The following PLXNA2 variants were observed in gnomAD, a reference collection of about 807,000 sequenced individuals.
PLXNA2 encodes the protein plexin-A2.
In PLXNA2, 91 loss-of-function variants were observed where a neutral mutation model predicts 193.5. That is an observed-to-expected ratio of 0.47 (90% confidence interval 0.40 to 0.56). The LOEUF (loss-of-function observed/expected upper bound fraction) is 0.56, where lower values mean the gene tolerates loss of function less well. Among genes scored for constraint, PLXNA2 ranks in the 20% least tolerant of loss-of-function variants. The pLI, the probability that PLXNA2 is intolerant of heterozygous loss-of-function variation, is 0.00. For synonymous variants in PLXNA2, 997 were observed against 1,027.3 expected (o/e 0.97, Z 0.56); for missense variants, 1,995 against 2,503.2 (o/e 0.80, Z 4.33).
At chr1:208,105,987 C>T (rs994986214) in intron 4 of PLXNA2, among the ~76,000 whole-genome samples, 4 of 152,068 alleles carry the variant, frequency 2.6e-5, no homozygotes, top group African/African-American at 9.7e-5. Context: ...CCAAGTGCCA[C>T]GGAGATAGTG....
At chr1:208,100,696 A>T (rs1667066609) in intron 5 of PLXNA2, among the ~76,000 whole-genome samples, 1 of 152,208 alleles carries the variant, frequency 6.6e-6, no homozygotes, top group Non-Finnish European at 1.5e-5. Context: ...TTGTGTCACG[A>T]AATAATGCCT....
chr1:208,243,441 T>C (rs1208190369), intron 1 of PLXNA2, among the ~76,000 whole-genome samples: 1 of 151,868 alleles, frequency 6.6e-6, no homozygotes, highest in Non-Finnish European at 1.5e-5. Context: ...CCAGTGAGCC[T>C]GCGATCGCGC....
chr1:208,027,950 G>C (rs1188709615), intron 31 of PLXNA2, 59 bp downstream of exon 31: 3 of 1,462,038 alleles, frequency 2.1e-6, no homozygotes, highest in Non-Finnish European at 2.7e-6. Context: ...TTTAAGGACT[G>C]AGTCAGGCTT....
intron 4 of PLXNA2, among the ~76,000 whole-genome samples, chr1:208,134,428 T>C (rs1008598081): frequency 1.3e-5 from 2 of 152,138 alleles, no homozygotes; most frequent in African/African-American, 4.8e-5. Flanking sequence ...GGAAAGGCAC[T>C]GATGTGAGTG....
At position 208,128,053 on chromosome 1, in the gene PLXNA2, G is replaced by A. The variant is rs890256786; in HGVS notation, c.1506+14276C>T. On this transcript the variant is annotated intron_variant, in intron 4 of 31. Coordinates refer to ENST00000367033, the MANE Select transcript of PLXNA2 (RefSeq NM_025179.4). ...CTGATGGAGGGCTGGGAGAGCTGCG[G>A]GGAGCCTGAGGGGCGGGCAGAGAGA... 2.0e-5 allele frequency among the ~76,000 whole-genome samples: 3 copies of A among 152,162 alleles called. 1 individual carries two copies. Among genetic ancestry groups the A allele is most frequent in the Admixed American group, 6.5e-5 (1 of 15,282 alleles).
At chr1:208,106,803 T>C (rs1192828858) in intron 4 of PLXNA2, among the ~76,000 whole-genome samples, 1 of 152,238 alleles carries the variant, frequency 6.6e-6, no homozygotes. Context: ...GTGGCTCATA[T>C]TTTATTTCTA....
intron 3 of PLXNA2, among the ~76,000 whole-genome samples, chr1:208,178,119 C>T (rs1323310128): frequency 1.6e-5 from 1 of 62,302 alleles, no homozygotes; most frequent in African/African-American, 5.3e-5. Context: ...ACCTTCTTTC[C>T]TCTTTATCCT....
In PLXNA2 at chr1:208,039,915, G is replaced by A. The variant is rs1388264009; in HGVS notation, c.4353+77C>T. ...TGCTCCCGAGGGAGGGGGTCCCCAT[G>A]CAGCCCTGTGGCCAGGATCTAAGCA... On this transcript the variant is annotated intron_variant, in intron 23 of 31. Coordinates refer to ENST00000367033, the MANE Select transcript of PLXNA2 (RefSeq NM_025179.4). The A allele has an allele frequency of 1.9e-6, 3 of 1,580,354 alleles. No individual in the cohort carries two copies. In the African/African-American group the frequency reaches 4.0e-5, roughly 21 times the overall value.
chr1:208,170,893 A>G (rs975306565), intron 3 of PLXNA2, among the ~76,000 whole-genome samples: 2 of 152,252 alleles, frequency 1.3e-5, no homozygotes, highest in African/African-American at 4.8e-5. Context: ...CCTACAATCC[A>G]GTGCAGAGAG....
At chr1:208,154,455 T>C (rs1266115418) in intron 3 of PLXNA2, among the ~76,000 whole-genome samples, 1 of 152,202 alleles carries the variant, frequency 6.6e-6, no homozygotes, top group African/African-American at 2.4e-5. Context: ...AGGATTCATG[T>C]GCTGTTGGGC....
rs1664973672 is a variant in PLXNA2 at position 208,044,184 on chromosome 1, G to A, written c.3874+324C>T. Among the ~76,000 whole-genome samples the A allele has an allele frequency of 6.6e-6, 1 of 152,206 alleles. No individual in the cohort carries two copies. The highest frequency in any genetic ancestry group is 2.4e-5 in the African/African-American group (1 of 41,448). On this transcript the variant is annotated intron_variant, in intron 20 of 31. Transcript: ENST00000367033. The surrounding 1 kb of genome is among the most constrained non-coding windows in gnomAD (Gnocchi z 4.9). Reference sequence around the variant, plus strand: ...ACTCCCATGGGGGATCTAGAGTCTGGGGCTGTGGAGCCTGGGGACTCTGAC... The same window carrying A: ...ACTCCCATGGGGGATCTAGAGTCTGAGGCTGTGGAGCCTGGGGACTCTGAC...
chr1:208,131,262 C>T (rs1452494226), intron 4 of PLXNA2, among the ~76,000 whole-genome samples: 2 of 152,220 alleles, frequency 1.3e-5, no homozygotes, highest in African/African-American at 4.8e-5. Context: ...CTCGACACCT[C>T]TGAACCTGCA....
At chr1:208,166,442 G>A (rs1481779288) in intron 3 of PLXNA2, among the ~76,000 whole-genome samples, 1 of 152,216 alleles carries the variant, frequency 6.6e-6, no homozygotes, top group Non-Finnish European at 1.5e-5. Flanking sequence ...ATCCAATAAG[G>A]AAGGCATTCA....
In PLXNA2 at chr1:208,183,607, AGG is replaced by A. The variant is rs367756173; in HGVS notation, c.1371+26671_1371+26672del. ...CCAGAGCCAGGTGCCAGAGAGGGAG[AGG>A]GGGGGGTCTTTGGGGGTGGGGGACG... On this transcript the variant is annotated intron_variant, in intron 3 of 31. Transcript: ENST00000367033. Among the ~76,000 whole-genome samples, 5 of 105,208 alleles carry A rather than the reference AGG, an allele frequency of 4.8e-5. 1 individual carries two copies. The East Asian group carries it at 9.8e-4, about 21-fold the overall frequency. 69.0% of individuals were successfully genotyped at this position (105,208 alleles called of 152,430 possible).
In PLXNA2 at chr1:208,033,337, G is replaced by A. The variant is rs756112972; in HGVS notation, c.5037C>T (p.Thr1679=). The A allele has an allele frequency of 1.2e-6, 2 of 1,613,328 alleles. No individual in the cohort carries two copies. Among genetic ancestry groups the A allele is most frequent in the Non-Finnish European group, 8.5e-7 (1 of 1,179,442 alleles). ...GAGTTACCTTGGTGGCCAGTAGCCGGGTCAGGTAGATCTCGGACACCATCT... is the reference window on the plus strand; with the variant it reads ...GAGTTACCTTGGTGGCCAGTAGCCGAGTCAGGTAGATCTCGGACACCATCT... ...GSKMVSEIYL[T]RLLATKGTLQ... The change falls in exon 28 of 32, where the codon ACC becomes ACT. Residue 1679 remains threonine, a synonymous_variant. Transcript: ENST00000367033.
At chr1:208,043,326 AGT>A (rs1048374940) in intron 20 of PLXNA2, 123 bp from the exon 21 acceptor site, 4 of 876,378 alleles carry the variant, frequency 4.6e-6, no homozygotes, top group Non-Finnish European at 7.0e-6. Flanking sequence ...GGATTACGGG[AGT>A]GTGTCTCCAG....
intron 1 of PLXNA2, among the ~76,000 whole-genome samples, chr1:208,240,914 C>A (rs374824113): frequency 5.3e-5 from 8 of 151,998 alleles, no homozygotes; most frequent in East Asian, 1.9e-4. Context: ...CTGCTGGAGA[C>A]AGGAATTGCC....
chr1:208,032,448 T>G (rs1321928416), intron 28 of PLXNA2, among the ~76,000 whole-genome samples: 1 of 152,202 alleles, frequency 6.6e-6, no homozygotes, highest in African/African-American at 2.4e-5. Flanking sequence ...GCTGAGCATA[T>G]TAGGCAAAGC....
At chr1:208,237,021 C>A (rs1034547284) in intron 1 of PLXNA2, among the ~76,000 whole-genome samples, 1 of 152,192 alleles carries the variant, frequency 6.6e-6, no homozygotes, top group Non-Finnish European at 1.5e-5. Context: ...TTAGAGACAG[C>A]CTTTGAGTTG....
Sources: gnomAD v4.1 joint callset for allele counts (sites outside exome capture counted in the v4.1 genomes callset) on GRCh38, gnomAD v4.1.1 for gene constraint, Gnocchi (gnomAD v3.1) non-coding constraint, MANE v1.5 for transcripts, NCBI Gene and HGNC (gene_info 2026-07-23, HGNC 2026-07-21) for gene names.